The following SLC44A5 variants were observed in gnomAD, a reference collection of about 807,000 sequenced individuals.
SLC44A5 encodes the protein choline transporter-like protein 5.
Under a neutral mutation model 101.8 loss-of-function variants are expected in SLC44A5, and 57 were observed. The observed-to-expected ratio is 0.56, with a 90% CI of 0.45 to 0.70. The LOEUF is 0.70. Ranked by LOEUF, SLC44A5 falls within the 30% of genes least tolerant of loss-of-function variation. The pLI, the probability that SLC44A5 is intolerant of heterozygous loss-of-function variation, is 0.00. For synonymous variants in SLC44A5, 281 were observed against 290.9 expected (o/e 0.97, Z 0.35); for missense variants, 737 against 853.1 (o/e 0.86, Z 1.70).
At position 75,303,613 on chromosome 1, in the gene SLC44A5, T is replaced by C. The variant is rs184737156; in HGVS notation, c.102-2928A>G. ...AGCATCAGTTGGTGTTTTGGTTCTA[T>C]ATAGGGTTTTACACTATAATTTATT... On this transcript the variant is annotated intron_variant, in intron 4 of 23. Coordinates refer to ENST00000370859, the MANE Select transcript of SLC44A5 (RefSeq NM_001130058.2). Among the ~76,000 whole-genome samples, 521 of 152,332 alleles carry C rather than the reference T, an allele frequency of 3.4e-3. 10 individuals are homozygous for C. In the South Asian group the frequency reaches 0.047, roughly 14 times the overall value.
chr1:75,605,216 T>C (rs1327238128), intron 1 of SLC44A5, among the ~76,000 whole-genome samples: 2 of 148,198 alleles, frequency 1.3e-5, no homozygotes, highest in African/African-American at 2.4e-5. Flanking sequence ...GAATTTAAAA[T>C]TGCTTCTTTT....
At chr1:75,366,453 C>T (rs753624379) in intron 3 of SLC44A5, among the ~76,000 whole-genome samples, 5 of 152,080 alleles carry the variant, frequency 3.3e-5, no homozygotes, top group Non-Finnish European at 7.4e-5. Flanking sequence ...TCACAGTACT[C>T]CTTTTGTCTG....
chr1:75,444,162 CA>C (rs1665370535), intron 2 of SLC44A5, among the ~76,000 whole-genome samples: 1 of 151,102 alleles, frequency 6.6e-6, no homozygotes, highest in Non-Finnish European at 1.5e-5. Context: ...ACTAAAAATA[CA>C]AAAATTAGCT....
At chr1:75,264,319 T>C (rs1324727335) in intron 6 of SLC44A5, among the ~76,000 whole-genome samples, 2 of 152,180 alleles carry the variant, frequency 1.3e-5, no homozygotes, top group African/African-American at 4.8e-5. Flanking sequence ...GCCATTGGCA[T>C]TGATCCCCAT....
At chr1:75,550,438 G>C (rs1250845901) in intron 1 of SLC44A5, among the ~76,000 whole-genome samples, 1 of 152,034 alleles carries the variant, frequency 6.6e-6, no homozygotes, top group Admixed American at 6.6e-5. Context: ...TCTTTTGGGG[G>C]TGAGGAAGAT....
In SLC44A5 at chr1:75,242,875, A is replaced by C. The variant is rs1488367457; in HGVS notation, c.471+11T>G. The C allele has an allele frequency of 1.3e-6, 2 of 1,573,396 alleles. No individual in the cohort carries two copies. Among genetic ancestry groups the C allele is most frequent in the African/African-American group, 2.8e-5 (2 of 72,532 alleles). On this transcript the variant is annotated intron_variant, in intron 8 of 23. Transcript: ENST00000370859. ...AAATTGTTCTCTTGCTTTAAGCTTA[A>C]ACACACATACCTTCACAGGCTTAGC...
chr1:75,469,099 C>T (rs554342825), intron 2 of SLC44A5, among the ~76,000 whole-genome samples: 8 of 152,216 alleles, frequency 5.3e-5, no homozygotes, highest in Non-Finnish European at 1.2e-4. Context: ...TTTTACTCAA[C>T]CCAATATATT....
intron 12 of SLC44A5, among the ~76,000 whole-genome samples, chr1:75,230,884 A>G (rs1430287392): frequency 6.6e-6 from 1 of 152,138 alleles, no homozygotes; most frequent in South Asian, 2.1e-4. Context: ...CCACAGTGCT[A>G]GGATTATAGG....
At chr1:75,497,440 T>G (rs189214301) in intron 2 of SLC44A5, among the ~76,000 whole-genome samples, 322 of 152,186 alleles carry the variant, frequency 2.1e-3, no homozygotes, top group African/African-American at 7.2e-3. Context: ...AAAGTCAAAT[T>G]CATAGAAGAA....
intron 5 of SLC44A5, among the ~76,000 whole-genome samples, chr1:75,278,673 G>C (rs968226463): frequency 1.1e-4 from 16 of 152,130 alleles, no homozygotes; most frequent in Non-Finnish European, 1.6e-4. Context: ...AGAGATGTGA[G>C]TAGTCAAGTG....
chr1:75,207,074 A>G (rs930063256), intron 23 of SLC44A5, among the ~76,000 whole-genome samples: 4 of 152,208 alleles, frequency 2.6e-5, no homozygotes, highest in Non-Finnish European at 5.9e-5. Context: ...GGAGCTGAAT[A>G]GGAAGTATAT....
At chr1:75,236,663 A>G (rs1648112325) in intron 11 of SLC44A5, among the ~76,000 whole-genome samples, 1 of 152,122 alleles carries the variant, frequency 6.6e-6, no homozygotes, top group South Asian at 2.1e-4. Flanking sequence ...GATGAGAAGC[A>G]CACGAGTATT....
intron 3 of SLC44A5, among the ~76,000 whole-genome samples, chr1:75,374,827 G>A (rs921916524): frequency 2.0e-4 from 30 of 152,084 alleles, no homozygotes; most frequent in African/African-American, 7.0e-4. Flanking sequence ...ATACACCACA[G>A]TCAAACACAA....
chr1:75,420,912 G>A (rs1455014309), intron 2 of SLC44A5, among the ~76,000 whole-genome samples: 1 of 151,972 alleles, frequency 6.6e-6, no homozygotes, highest in African/African-American at 2.4e-5. Context: ...TTTCTTTCCT[G>A]ATACTTCCAT....
intron 2 of SLC44A5, among the ~76,000 whole-genome samples, chr1:75,470,743 C>T (rs1667061175): frequency 6.6e-6 from 1 of 150,598 alleles, no homozygotes; most frequent in South Asian, 2.1e-4. Flanking sequence ...CATGGCATGT[C>T]GAAAAACTGA....
At chr1:75,673,154 T>C in the SLC44A5 span, among the ~76,000 whole-genome samples, 1 of 151,986 alleles carries the variant, frequency 6.6e-6, no homozygotes, top group Non-Finnish European at 1.5e-5. Flanking sequence ...GCTCTTGGGG[T>C]CTCTGATTCC....
the SLC44A5 span, among the ~76,000 whole-genome samples, chr1:75,703,378 G>T: frequency 6.6e-6 from 1 of 151,604 alleles, no homozygotes; most frequent in Non-Finnish European, 1.5e-5. Context: ...GATGAAGCTG[G>T]AAACCATCAT....
the SLC44A5 span, among the ~76,000 whole-genome samples, chr1:75,718,753 G>T: frequency 3.9e-5 from 6 of 152,126 alleles, no homozygotes; most frequent in African/African-American, 1.4e-4. Flanking sequence ...GCTTGTGGAT[G>T]GCAGTTCCAA....
intron 3 of SLC44A5, among the ~76,000 whole-genome samples, chr1:75,395,894 A>G (rs997398989): frequency 4.6e-5 from 7 of 152,168 alleles, no homozygotes; most frequent in Non-Finnish European, 1.0e-4. Context: ...GATCCAAGTA[A>G]TGTTGGAAGT....
Sources: gnomAD v4.1 joint callset for allele counts (sites outside exome capture counted in the v4.1 genomes callset) on GRCh38, gnomAD v4.1.1 for gene constraint, MANE v1.5 for transcripts, NCBI Gene and HGNC (gene_info 2026-07-23, HGNC 2026-07-21) for gene names.